Variants in UQCR11 observed in about 807,000 individuals in gnomAD.
The protein encoded by UQCR11 is ubiquinol-cytochrome c reductase, complex III subunit XI, also known as cytochrome b-c1 complex subunit 10.
Under a neutral mutation model 7.6 loss-of-function variants are expected in UQCR11, and 10 were observed. The observed-to-expected ratio is 1.31, with a 90% CI of 0.81 to 2.22. UQCR11 has a LOEUF of 2.22. UQCR11 is among the 30% of genes most tolerant of loss of function. UQCR11 has a pLI of 0.00. For synonymous variants in UQCR11, 34 were observed against 34.9 expected (o/e 0.97, Z 0.09); for missense variants, 86 against 75.1 (o/e 1.15, Z -0.54).
chr19:1,603,278 A>G (rs1054914696), intron 1 of UQCR11, among the ~76,000 whole-genome samples: 2 of 152,174 alleles, frequency 1.3e-5, no homozygotes, highest in Admixed American at 6.6e-5. Context: ...GGTTCGGTCT[A>G]TTGGCGCGTC....
In UQCR11 at chr19:1,597,828, T is replaced by G. The variant is rs1034798310; in HGVS notation, c.*416A>C. ...TGTGAGAGAGTGAATGTTCGTTGCT[T>G]TAAGCCACTACGTGTGGGTGACTTG... On this transcript the variant is annotated 3_prime_UTR_variant, in exon 3 of 3. Transcript: ENST00000591899. The G allele has an allele frequency of 1.3e-5, 2 of 152,218 alleles. No homozygotes were observed. Among genetic ancestry groups the G allele is most frequent in the African/African-American group, 2.4e-5 (1 of 41,448 alleles). 9.4% of individuals were successfully genotyped at this position (152,218 alleles called of 1,614,324 possible). A position where few individuals can be genotyped will look rare whatever the true frequency, so the allele number is the denominator to read the frequency against.
chr19:1,605,315 G>A, intron 1 of UQCR11, 45 bp downstream of exon 1: 2 of 1,541,624 alleles, frequency 1.3e-6, no homozygotes, highest in Non-Finnish European at 1.7e-6. Context: ...CGCGGGGCTG[G>A]GCCGAGGCGG....
chr19:1,600,862 C>CA (rs1031832794), intron 1 of UQCR11, among the ~76,000 whole-genome samples: 1 of 151,622 alleles, frequency 6.6e-6, no homozygotes, highest in Non-Finnish European at 1.5e-5. Context: ...GACCATATCT[C>CA]AAAAAAAATT....
At chr19:1,602,457 T>A (rs886879980) in intron 1 of UQCR11, 12 of 152,096 alleles carry the variant, frequency 7.9e-5, no homozygotes, top group Admixed American at 3.9e-4. Context: ...TTTATTTATT[T>A]ATTATTTATT....
At position 1,598,003 on chromosome 19, in the gene UQCR11, G is replaced by A. The variant is rs1042101160; in HGVS notation, c.*241C>T. On this transcript the variant is annotated 3_prime_UTR_variant, in exon 3 of 3. Coordinates refer to ENST00000591899, the MANE Select transcript of UQCR11 (RefSeq NM_006830.4). ...GGTCACCTGTGCCACTCCAGCTACA[G>A]TCACAGTAACCAAGCCACCAGCATG... 1.3e-5 allele frequency: 2 copies of A among 152,270 alleles called. No individual in the cohort carries two copies. Among genetic ancestry groups the A allele is most frequent in the Admixed American group, 6.5e-5 (1 of 15,284 alleles). 9.4% of individuals were successfully genotyped at this position (152,270 alleles called of 1,614,324 possible).
At chr19:1,603,662 G>A (rs907625748) in intron 1 of UQCR11, among the ~76,000 whole-genome samples, 2 of 152,196 alleles carry the variant, frequency 1.3e-5, no homozygotes, top group Admixed American at 6.5e-5. Context: ...ATGAAAGCAC[G>A]GATGACGGGT....
At position 1,599,573 on chromosome 19, in the gene UQCR11, A is replaced by AG; in HGVS notation, c.51-14dup. ...GGCCGTCGGGACCCTGCGAGAGGAG[A>AG]GGGGATGGTCAGGCCTGCTCTGGAC... is the stretch of plus-strand genomic sequence containing the variant. On this transcript the variant is annotated splice_polypyrimidine_tract_variant and intron_variant, in intron 1 of 2. Coordinates refer to ENST00000591899, the MANE Select transcript of UQCR11 (RefSeq NM_006830.4). 1 of 1,606,268 alleles carries AG rather than the reference A, an allele frequency of 6.2e-7. No homozygotes were observed. Among genetic ancestry groups the AG allele is most frequent in the South Asian group, 1.1e-5 (1 of 91,068 alleles).
chr19:1,599,295 T>C (rs2145619582), intron 2 of UQCR11, 117 bp downstream of exon 2: 1 of 1,371,558 alleles, frequency 7.3e-7, no homozygotes, highest in Non-Finnish European at 9.9e-7. Context: ...CGAATGCAGG[T>C]CTCTCCAGGG....
At position 1,605,454 on chromosome 19, in the gene UQCR11, G is replaced by T. The variant is rs1360789467; in HGVS notation, c.-45C>A. The T allele has an allele frequency of 1.2e-5, 16 of 1,285,118 alleles. No individual in the cohort carries two copies. In the East Asian group the frequency reaches 1.0e-3, roughly 84 times the overall value. The allele number at this position is 1,285,118 out of a possible 1,614,324, so 79.6% of individuals were successfully genotyped here. A position where few individuals can be genotyped will look rare whatever the true frequency, so the allele number is the denominator to read the frequency against. Reference sequence around the variant, plus strand: ...CAGGATGACCCTGTCCAGCTGACCCGGCTACACTGCGCAGGCGCGGCCGCG... The same window carrying T: ...CAGGATGACCCTGTCCAGCTGACCCTGCTACACTGCGCAGGCGCGGCCGCG... On this transcript the variant is annotated 5_prime_UTR_variant, in exon 1 of 3. Coordinates refer to ENST00000591899, the MANE Select transcript of UQCR11 (RefSeq NM_006830.4).
At position 1,598,112 on chromosome 19, in the gene UQCR11, G is replaced by T. The variant is rs3183988; in HGVS notation, c.*132C>A. ...ATCCAAGCTGTTTTCAGAAACATAA[G>T]AAGCCTGAAGCTGAGCTGTGGGTTT... On this transcript the variant is annotated 3_prime_UTR_variant, in exon 3 of 3. Coordinates refer to ENST00000591899, the MANE Select transcript of UQCR11 (RefSeq NM_006830.4). The T allele has an allele frequency of 6.6e-6, 1 of 152,286 alleles. No homozygotes were observed. The highest frequency in any genetic ancestry group is 1.5e-5 in the Non-Finnish European group (1 of 68,068). The allele number at this position is 152,286 out of a possible 1,614,324, so 9.4% of individuals were successfully genotyped here. A position where few individuals can be genotyped will look rare whatever the true frequency, so the allele number is the denominator to read the frequency against.
intron 2 of UQCR11, chr19:1,598,844 C>G: frequency 6.4e-6 from 1 of 155,770 alleles, no homozygotes; most frequent in Admixed American, 6.3e-5. Context: ...GAGCAGGGCT[C>G]TGAGGCCCAG....
chr19:1,604,904 G>T (rs1468655908), intron 1 of UQCR11, among the ~76,000 whole-genome samples: 1 of 152,268 alleles, frequency 6.6e-6, no homozygotes, highest in Non-Finnish European at 1.5e-5. Flanking sequence ...GGCTTCTATG[G>T]GGGCCACCCC....
In UQCR11 at chr19:1,605,412, C is replaced by A. The variant is rs375839748; in HGVS notation, c.-3G>T. The A allele has an allele frequency of 6.6e-7, 1 of 1,520,628 alleles. No homozygotes were observed. The highest frequency in any genetic ancestry group is 1.2e-5 in the South Asian group (1 of 85,478). The allele number at this position is 1,520,628 out of a possible 1,614,324, so 94.2% of individuals were successfully genotyped here. On this transcript the variant is annotated 5_prime_UTR_variant, in exon 1 of 3. Transcript: ENST00000591899. ...GGGCCCAGGAACCGGGTCACCATCG[C>A]GGCGGAGTCGCACCCTCAGGATGAC...
At position 1,601,072 on chromosome 19, in the gene UQCR11, G is replaced by A. The variant is rs2060745858; in HGVS notation, c.51-1512C>T. On this transcript the variant is annotated intron_variant, in intron 1 of 2. Coordinates refer to ENST00000591899, the MANE Select transcript of UQCR11 (RefSeq NM_006830.4). ...TAATCCCAGCTACTTGGGAGGCTGA[G>A]GCGGGAGAATGGCTTGAACCCAGGA... 3.3e-5 allele frequency among the ~76,000 whole-genome samples: 5 copies of A among 152,116 alleles called. 2 individuals carry two copies. In the South Asian group the frequency reaches 1.0e-3, roughly 31 times the overall value.
In UQCR11 at chr19:1,603,643, T is replaced by C. The variant is rs141722382; in HGVS notation, c.50+1717A>G. ...ATGAATAAATAAATAAATAAATGCT[T>C]GCTGTTGGATGAAAGCACGGATGAC... On this transcript the variant is annotated intron_variant, in intron 1 of 2. Coordinates refer to ENST00000591899, the MANE Select transcript of UQCR11 (RefSeq NM_006830.4). 3.1e-3 allele frequency among the ~76,000 whole-genome samples: 477 copies of C among 152,212 alleles called. 3 individuals are homozygous for C. The highest frequency in any genetic ancestry group is 0.011 in the African/African-American group (454 of 41,516).
In UQCR11 at chr19:1,599,481, A is replaced by T. The variant is rs1216797448; in HGVS notation, c.130T>A (p.Trp44Arg). ...WATDWRLILDWVPYINGKFKK... is the reference protein window; with the variant it reads ...WATDWRLILDRVPYINGKFKK... ...AACTTGCCATTGATGTAAGGTACCC[A>T]GTCCAGGATCAGCCGCCAATCGGTG... Residue 44 changes from tryptophan to arginine, a missense_variant, in exon 2 of 3, where the codon TGG becomes AGG. Coordinates refer to ENST00000591899, the MANE Select transcript of UQCR11 (RefSeq NM_006830.4). 9.3e-6 allele frequency: 15 copies of T among 1,613,726 alleles called. 1 individual carries two copies. The highest frequency in any genetic ancestry group is 1.3e-5 in the Non-Finnish European group (15 of 1,180,024).
intron 1 of UQCR11, among the ~76,000 whole-genome samples, chr19:1,600,563 T>A (rs1282720004): frequency 6.6e-6 from 1 of 152,050 alleles, no homozygotes. Context: ...GGGGCATCAC[T>A]GCCGAGGTCA....
intron 2 of UQCR11, chr19:1,599,143 A>G (rs2060739704): frequency 2.7e-6 from 1 of 365,634 alleles, no homozygotes; most frequent in Non-Finnish European, 5.1e-6. Flanking sequence ...AGACGGAAGC[A>G]AGGTTTGCCT....
In UQCR11 at chr19:1,603,707, C is replaced by G. The variant is rs553046698; in HGVS notation, c.50+1653G>C. On this transcript the variant is annotated intron_variant, in intron 1 of 2. Coordinates refer to ENST00000591899, the MANE Select transcript of UQCR11 (RefSeq NM_006830.4). ...TGTGACTGAACACAGAAGAAGCAGA[C>G]CTGCTGCACCCGGGAGGGGCTGCAC... is the stretch of plus-strand genomic sequence containing the variant. 2.0e-5 allele frequency among the ~76,000 whole-genome samples: 3 copies of G among 152,330 alleles called. No homozygotes were observed. The South Asian group carries it at 6.2e-4, about 32-fold the overall frequency.
Sources: gnomAD v4.1 joint callset for allele counts (sites outside exome capture counted in the v4.1 genomes callset) on GRCh38, gnomAD v4.1.1 for gene constraint, MANE v1.5 for transcripts, NCBI Gene and HGNC (gene_info 2026-07-23, HGNC 2026-07-21) for gene names.